C8orf89: variants seen among roughly 807,000 people sequenced by gnomAD.
C8orf89 encodes the protein chromosome 8 open reading frame 89.
C8orf89 carries 14 observed loss-of-function variants against 15.8 expected under a neutral mutation model. The ratio of observed to expected loss-of-function variants is 0.89; its 90% CI spans 0.59 to 1.39. The LOEUF (loss-of-function observed/expected upper bound fraction) is 1.39, where lower values mean the gene tolerates loss of function less well. C8orf89 is among the 40% of genes most tolerant of loss of function. The pLI, the probability that C8orf89 is intolerant of heterozygous loss-of-function variation, is 0.00. For missense variants in C8orf89, 181 were observed against 184.5 expected (o/e 0.98, Z 0.11); for synonymous variants, 55 against 62.2 (o/e 0.88, Z 0.54).
chr8:73,253,967 A>G (rs1813307865), intron 2 of C8orf89, among the ~76,000 whole-genome samples: 3 of 151,726 alleles, frequency 2.0e-5, no homozygotes, highest in Non-Finnish European at 4.4e-5. Context: ...TTCCAACACT[A>G]TGTTGAATAG....
the C8orf89 span, among the ~76,000 whole-genome samples, chr8:73,283,906 G>A: frequency 1.7e-4 from 26 of 152,002 alleles, no homozygotes; most frequent in Non-Finnish European, 1.5e-5. Context: ...ACTCGAGCAT[G>A]GTGGCACACA....
At chr8:73,241,850 A>G (rs896143855) in intron 3 of C8orf89, among the ~76,000 whole-genome samples, 4 of 152,188 alleles carry the variant, frequency 2.6e-5, no homozygotes, top group African/African-American at 9.6e-5. Flanking sequence ...ATTTTTAACA[A>G]AAGTGCCAAG....
At chr8:73,250,744 A>T (rs1206441119) in intron 2 of C8orf89, among the ~76,000 whole-genome samples, 1 of 152,214 alleles carries the variant, frequency 6.6e-6, no homozygotes, top group East Asian at 1.9e-4. Context: ...ATTAGGGGAA[A>T]TATATCATGA....
the C8orf89 span, among the ~76,000 whole-genome samples, chr8:73,276,121 T>C: frequency 6.6e-6 from 1 of 151,814 alleles, no homozygotes; most frequent in Admixed American, 6.6e-5. Flanking sequence ...TTATGGTAAA[T>C]ATATTTTTAT....
chr8:73,246,342 G>A (rs1418333994), intron 3 of C8orf89, among the ~76,000 whole-genome samples: 1 of 152,154 alleles, frequency 6.6e-6, no homozygotes, highest in African/African-American at 2.4e-5. Context: ...CATTTGGGCC[G>A]AGATTCAAAG....
At chr8:73,261,695 A>G (rs1297174982), upstream of C8orf89, among the ~76,000 whole-genome samples, 2 of 152,226 alleles carry the variant, frequency 1.3e-5, no homozygotes, top group Non-Finnish European at 2.9e-5. Flanking sequence ...GTTGGCAGCT[A>G]AAAGTGAGGA....
the C8orf89 span, among the ~76,000 whole-genome samples, chr8:73,281,651 G>T: frequency 7.9e-5 from 12 of 152,190 alleles, no homozygotes; most frequent in South Asian, 2.5e-3. Flanking sequence ...TTGTTTGTTT[G>T]TTTATTTGTT....
Position 73,250,299 on chromosome 8 carries a change from G to C in C8orf89, c.306C>G (p.Cys102Trp), listed in dbSNP as rs1813219970. Residue 102 changes from cysteine (C) to tryptophan (W), a missense_variant, in exon 3 of 4, where the codon TGC becomes TGG. Transcript: ENST00000624510. ...AVRLKKTKET[C>W]SVAPLWEKSK... ...ATTTCTCCCAAAGTGGTGCCACACT[G>C]CATGTCTCCTTAGTCTTCTTTAGCC... 1 of 1,532,474 alleles carries C rather than the reference G, an allele frequency of 6.5e-7. No individual in the cohort carries two copies. Among genetic ancestry groups the C allele is most frequent in the Non-Finnish European group, 8.7e-7 (1 of 1,144,208 alleles). 94.9% of individuals were successfully genotyped at this position (1,532,474 alleles called of 1,614,324 possible).
chr8:73,248,677 T>C (rs1404473306), intron 3 of C8orf89, among the ~76,000 whole-genome samples: 2 of 152,212 alleles, frequency 1.3e-5, no homozygotes, highest in Non-Finnish European at 2.9e-5. Context: ...GCTGTATTCC[T>C]AGGTATATTA....
the C8orf89 span, among the ~76,000 whole-genome samples, chr8:73,270,397 C>T: frequency 1.3e-5 from 2 of 152,166 alleles, no homozygotes; most frequent in South Asian, 2.1e-4. Flanking sequence ...AATGGTTCAA[C>T]AGAAATCACT....
chr8:73,277,679 C>G, the C8orf89 span: 4 of 754,380 alleles, frequency 5.3e-6, no homozygotes, highest in Non-Finnish European at 1.0e-5. Context: ...GGCTGGAAAT[C>G]CTTCACTTCA....
At chr8:73,257,716 A>T (rs1382789920) in intron 1 of C8orf89, among the ~76,000 whole-genome samples, 3 of 152,162 alleles carry the variant, frequency 2.0e-5, no homozygotes, top group Admixed American at 2.0e-4. Context: ...ATTTTTAAAA[A>T]TTTTCAAGGC....
At chr8:73,252,123 C>T (rs1046041228) in intron 2 of C8orf89, among the ~76,000 whole-genome samples, 5 of 152,188 alleles carry the variant, frequency 3.3e-5, no homozygotes, top group Non-Finnish European at 7.4e-5. Flanking sequence ...TCAGAAAGAA[C>T]AGTTTTGCGT....
At chr8:73,246,579 A>G (rs1813128848) in intron 3 of C8orf89, among the ~76,000 whole-genome samples, 1 of 152,158 alleles carries the variant, frequency 6.6e-6, no homozygotes, top group Non-Finnish European at 1.5e-5. Flanking sequence ...GAGTCTCATC[A>G]TGTTGGCCAG....
At chr8:73,268,827 G>C in the C8orf89 span, among the ~76,000 whole-genome samples, 7 of 152,150 alleles carry the variant, frequency 4.6e-5, no homozygotes, top group Non-Finnish European at 8.8e-5. Context: ...TGAATGGCTG[G>C]TACATTGGGC....
chr8:73,251,981 A>G (rs1813261084), intron 2 of C8orf89, among the ~76,000 whole-genome samples: 2 of 152,304 alleles, frequency 1.3e-5, no homozygotes, highest in Admixed American at 1.3e-4. Context: ...TAGTAGCTTT[A>G]TAGTCATGTT....
chr8:73,253,528 G>A (rs964819708), intron 2 of C8orf89, among the ~76,000 whole-genome samples: 8 of 151,606 alleles, frequency 5.3e-5, no homozygotes, highest in Non-Finnish European at 8.8e-5. Context: ...ACCTTGGGCA[G>A]TATGGCCATT....
At chr8:73,256,713 C>T (rs1204338791) in intron 2 of C8orf89, among the ~76,000 whole-genome samples, 4 of 114,384 alleles carry the variant, frequency 3.5e-5, no homozygotes, top group Middle Eastern at 7.4e-3. Flanking sequence ...GGCAAAACAG[C>T]GAGACTCTGT....
At chr8:73,261,329 C>A (rs925180952), upstream of C8orf89, among the ~76,000 whole-genome samples, 1 of 152,070 alleles carries the variant, frequency 6.6e-6, no homozygotes, top group African/African-American at 2.4e-5. Flanking sequence ...TTAACACAGC[C>A]GCAGTGTATG....
Sources: gnomAD v4.1 joint callset for allele counts (sites outside exome capture counted in the v4.1 genomes callset) on GRCh38, gnomAD v4.1.1 for gene constraint, MANE v1.5 for transcripts, NCBI Gene and HGNC (gene_info 2026-07-23, HGNC 2026-07-21) for gene names.